Variants in UBR4 observed in about 807,000 individuals in gnomAD.
The protein encoded by UBR4 is ubiquitin protein ligase E3 component n-recognin 4, also known as E3 ubiquitin-protein ligase UBR4.
In UBR4, 124 loss-of-function variants were observed where a neutral mutation model predicts 575.6. The observed-to-expected ratio is 0.22, with a 90% confidence interval of 0.19 to 0.25. UBR4 has a LOEUF of 0.25. Ranked by LOEUF, UBR4 falls within the 10% of genes least tolerant of loss-of-function variation. UBR4 has a pLI of 1.00. For missense variants in UBR4, 4,818 were observed against 6,478.8 expected (o/e 0.74, Z 8.80); for synonymous variants, 2,455 against 2,473.7 (o/e 0.99, Z 0.22).
In UBR4 at chr1:19,114,023, A is replaced by G. The variant is rs769158524; in HGVS notation, c.11250T>C (p.Tyr3750=). The change falls in exon 76 of 106, where the codon TAT becomes TAC. Residue 3750 remains tyrosine (Y), a synonymous_variant. Coordinates refer to ENST00000375254, the MANE Select transcript of UBR4 (RefSeq NM_020765.3). Reference sequence around the variant, plus strand: ...GTGGCCGGTGTCCCATCAGCTGATGATACACTCGATCAGCTTTGTCCAAAA... The same window carrying G: ...GTGGCCGGTGTCCCATCAGCTGATGGTACACTCGATCAGCTTTGTCCAAAA... ...NTLLDKADRV[Y]HQLMGHRPQL... is the part of the protein sequence containing the mutation. 5 of 1,614,198 alleles carry G rather than the reference A, an allele frequency of 3.1e-6. No individual in the cohort carries two copies. In the East Asian group the frequency reaches 1.1e-4, roughly 36 times the overall value.
Position 19,177,458 on chromosome 1 carries a change from T to C in UBR4, c.2637+3A>G. ...AAGCAAAAAAGAACGTGTTGGTCTGTACCTGCTCAAATAGATACACAGGGG... is the reference window on the plus strand; with the variant it reads ...AAGCAAAAAAGAACGTGTTGGTCTGCACCTGCTCAAATAGATACACAGGGG... On this transcript the variant is annotated splice_donor_region_variant and intron_variant, in intron 19 of 105. Transcript: ENST00000375254. The C allele has an allele frequency of 2.5e-6, 4 of 1,613,778 alleles. No individual in the cohort carries two copies. The highest frequency in any genetic ancestry group is 2.7e-5 in the African/African-American group (2 of 75,028).
rs374720635 is a variant in UBR4, at chr1:19,179,125, G to A, written c.2280C>T (p.Leu760=). 1.9e-6 allele frequency: 3 copies of A among 1,614,000 alleles called. No homozygotes were observed. The highest frequency in any genetic ancestry group is 2.5e-6 in the Non-Finnish European group (3 of 1,179,986). ...TGGCTTTATGTTGCCAGATGAGCAG[G>A]AGGCGTGAAAGCACAGAGAGGCTTT... ...HPQSLSVLSR[L]LLIWQHKASA... The change falls in exon 18 of 106, where the codon CTC becomes CTT. Residue 760 remains leucine (L), a synonymous_variant. Transcript: ENST00000375254.
intron 62 of UBR4, among the ~76,000 whole-genome samples, chr1:19,127,987 T>C (rs2082006424): frequency 2.0e-5 from 3 of 152,208 alleles, no homozygotes; most frequent in African/African-American, 7.2e-5. Flanking sequence ...AAAAGGGCCA[T>C]GAGGGTAAGA....
rs185384288 is a variant in UBR4, at chr1:19,207,062, G to C, written c.176+3011C>G. On this transcript the variant is annotated intron_variant, in intron 1 of 105. Coordinates refer to ENST00000375254, the MANE Select transcript of UBR4 (RefSeq NM_020765.3). Reference sequence around the variant, plus strand: ...CCAGGATATCAAAAAAGGAAGCAGAGAGTAGTAGACTGCAACAGAAAAACA... The same window carrying C: ...CCAGGATATCAAAAAAGGAAGCAGACAGTAGTAGACTGCAACAGAAAAACA... Among the ~76,000 whole-genome samples, 5 of 152,326 alleles carry C rather than the reference G, an allele frequency of 3.3e-5. No homozygotes were observed. The East Asian group carries it at 7.7e-4, about 23-fold the overall frequency.
At chr1:19,138,955 T>C in intron 59 of UBR4, 128 bp downstream of exon 59, 2 of 1,195,568 alleles carry the variant, frequency 1.7e-6, no homozygotes, top group Non-Finnish European at 2.2e-6. Flanking sequence ...TTTCAGAGAG[T>C]CCACAAGACT....
At position 19,155,531 on chromosome 1, in the gene UBR4, G is replaced by A; in HGVS notation, c.6210C>T (p.Ile2070=). The stretch of plus-strand genomic sequence containing the variant: ...TGGCCTCTTCCATAAGCTGAGTATA[G>A]ATGTACCCAGCCGAAGACATTATAA... ...IIVIMSSAGY[I]YTQLMEEASS... The change falls in exon 43 of 106, where the codon ATC becomes ATT. Residue 2070 remains isoleucine, a synonymous_variant. Coordinates refer to ENST00000375254, the MANE Select transcript of UBR4 (RefSeq NM_020765.3). 6.2e-7 allele frequency: 1 copy of A among 1,614,116 alleles called. No individual in the cohort carries two copies. Among genetic ancestry groups the A allele is most frequent in the Non-Finnish European group, 8.5e-7 (1 of 1,180,016 alleles).
intron 97 of UBR4, 50 bp downstream of exon 97, chr1:19,092,769 A>G (rs1460682357): frequency 6.9e-7 from 1 of 1,451,444 alleles, no homozygotes; most frequent in Admixed American, 2.1e-5. Context: ...AAACTAGGGT[A>G]GTTATACTTG....
chr1:19,114,145 C>T lies in UBR4; in HGVS notation c.11203-75G>A. The stretch of plus-strand genomic sequence containing the variant: ...TTCCCTGAGTAATCCTCACTGCTAA[C>T]CATTTACCAGAACATTTCCTATAGG... On this transcript the variant is annotated intron_variant, in intron 75 of 105. Coordinates refer to ENST00000375254, the MANE Select transcript of UBR4 (RefSeq NM_020765.3). The T allele has an allele frequency of 1.9e-6, 3 of 1,552,524 alleles. No homozygotes were observed. In the East Asian group the frequency reaches 6.8e-5, roughly 35 times the overall value.
Position 19,104,633 on chromosome 1 carries a change from T to A in UBR4, c.12679A>T (p.Thr4227Ser), listed in dbSNP as rs1227202172. 1 of 1,614,086 alleles carries A rather than the reference T, an allele frequency of 6.2e-7. No homozygotes were observed. The change falls in exon 86 of 106, where the codon ACC becomes TCC. Residue 4227 changes from threonine to serine, a missense_variant. By Grantham distance (58) the Thr-to-Ser change is moderately conservative. Transcript: ENST00000375254. Reference sequence around the variant, plus strand: ...CCCTGCTGCAGATCGGTACTCAGGGTAGCCTCCTCCAGGGCCAGCAGACGA... The same window carrying A: ...CCCTGCTGCAGATCGGTACTCAGGGAAGCCTCCTCCAGGGCCAGCAGACGA... ...IARLLALEEA[T>S]LSTDLQQGYA...
In UBR4 at chr1:19,124,576, C is replaced by T; in HGVS notation, c.9553G>A (p.Val3185Ile). ...TDTNSRIPPP[V>I]FDHSWFYFLS... is the part of the protein sequence containing the mutation. ...AAGTAAAACCACGAGTGGTCAAAGA[C>T]AGGAGGTGGGATTCGAGAATTGGTG... The change falls in exon 65 of 106, where the codon GTC becomes ATC. Residue 3185 changes from valine (V) to isoleucine (I), a missense_variant. Transcript: ENST00000375254. The T allele has an allele frequency of 6.2e-7, 1 of 1,614,156 alleles. No individual in the cohort carries two copies. Among genetic ancestry groups the T allele is most frequent in the East Asian group, 2.2e-5 (1 of 44,882 alleles).
chr1:19,084,769 C>T lies in UBR4; in HGVS notation c.14814-71G>A, dbSNP rs147493551. 1,405 of 1,458,566 alleles carry T rather than the reference C, an allele frequency of 9.6e-4. 5 individuals are homozygous for T. Among genetic ancestry groups the T allele is most frequent in the South Asian group, 4.6e-3 (349 of 75,516 alleles). The allele number at this position is 1,458,566 out of a possible 1,614,324, so 90.4% of individuals were successfully genotyped here. On this transcript the variant is annotated intron_variant, in intron 101 of 105. Coordinates refer to ENST00000375254, the MANE Select transcript of UBR4 (RefSeq NM_020765.3). Reference sequence around the variant, plus strand: ...TGAAAACCCAGTTTGGGAGACAGAGCCTCCTTCCAGTACTCCCAGGCCTGA... The same window carrying T: ...TGAAAACCCAGTTTGGGAGACAGAGTCTCCTTCCAGTACTCCCAGGCCTGA...
In UBR4 at chr1:19,094,891, C is replaced by T. The variant is rs146288135; in HGVS notation, c.13746+15G>A. The stretch of plus-strand genomic sequence containing the variant: ...CTCTCAGTGCCTGCAGATGGAGGGG[C>T]CGAGCCCCACTCACCTTGTCCTCAC... On this transcript the variant is annotated intron_variant, in intron 94 of 105. Coordinates refer to ENST00000375254, the MANE Select transcript of UBR4 (RefSeq NM_020765.3). 1.9e-6 allele frequency: 3 copies of T among 1,612,054 alleles called. No homozygotes were observed. The African/African-American group carries it at 4.0e-5, about 22-fold the overall frequency.
At chr1:19,161,792 G>A in intron 36 of UBR4, 35 bp downstream of exon 36, 1 of 1,614,106 alleles carries the variant, frequency 6.2e-7, no homozygotes, top group Non-Finnish European at 8.5e-7. Flanking sequence ...TCGGTGCCCA[G>A]CAAATCTTCA....
At chr1:19,106,323 G>C (rs114061484) in intron 83 of UBR4, among the ~76,000 whole-genome samples, 2,744 of 152,258 alleles carry the variant, frequency 0.018, 87 homozygotes, top group African/African-American at 0.063. Flanking sequence ...TATGGTCAGG[G>C]AGGAAAGCAG....
At chr1:19,097,171 A>G (rs773652784) in intron 91 of UBR4, 22 bp downstream of exon 91, 1 of 1,596,452 alleles carries the variant, frequency 6.3e-7, no homozygotes, top group Non-Finnish European at 8.5e-7. Context: ...CCTCAGATCC[A>G]ATGTGCAGTG....
At chr1:19,116,481 C>T (rs2080542790) in intron 73 of UBR4, among the ~76,000 whole-genome samples, 1 of 152,230 alleles carries the variant, frequency 6.6e-6, no homozygotes, top group East Asian at 1.9e-4. Flanking sequence ...TTCATGGCCA[C>T]GTGTTGCTGT....
intron 13 of UBR4, among the ~76,000 whole-genome samples, chr1:19,186,871 T>A (rs1234526953): frequency 1.3e-5 from 2 of 152,012 alleles, no homozygotes; most frequent in African/African-American, 4.8e-5. Flanking sequence ...TTCCATAGTG[T>A]CCTCTATGCT....
At position 19,094,103 on chromosome 1, in the gene UBR4, C is replaced by T; in HGVS notation, c.13783G>A (p.Val4595Met). ...LLLTGDKDQL[V>M]MLLDQINSTF... ...CTGTTGATCTGGTCCAAGAGCATCA[C>T]CAGTTGATCCTTGTCACCTGTCAGG... The change falls in exon 95 of 106, where the codon GTG (valine) becomes ATG (methionine). Residue 4595 changes from valine to methionine, a missense_variant. Val to Met is a conservative substitution (Grantham distance 21). Transcript: ENST00000375254. 1 of 1,613,934 alleles carries T rather than the reference C, an allele frequency of 6.2e-7. No individual in the cohort carries two copies. The highest frequency in any genetic ancestry group is 8.5e-7 in the Non-Finnish European group (1 of 1,179,988).
chr1:19,104,951 C>A, intron 85 of UBR4, 97 bp downstream of exon 85: 1 of 1,509,008 alleles, frequency 6.6e-7, no homozygotes, highest in Non-Finnish European at 8.9e-7. Flanking sequence ...TATTTCTTCT[C>A]AGCAAAAACA....
Sources: gnomAD v4.1 joint callset for allele counts (sites outside exome capture counted in the v4.1 genomes callset) on GRCh38, gnomAD v4.1.1 for gene constraint, MANE v1.5 for transcripts, NCBI Gene and HGNC (gene_info 2026-07-23, HGNC 2026-07-21) for gene names.